MRTFA: variants seen among roughly 807,000 people sequenced by gnomAD.
The protein encoded by MRTFA is myocardin-related transcription factor A.
Under a neutral mutation model 83.5 loss-of-function variants are expected in MRTFA, and 20 were observed. That is an observed-to-expected ratio of 0.24 (90% CI 0.17 to 0.35). The LOEUF is 0.35. Ranked by LOEUF, MRTFA falls within the 10% of genes least tolerant of loss-of-function variation. The pLI is 1.00. For missense variants in MRTFA, 1,200 were observed against 1,224.7 expected (o/e 0.98, Z 0.30); for synonymous variants, 659 against 541.2 (o/e 1.22, Z -3.02).
intron 3 of MRTFA, among the ~76,000 whole-genome samples, chr22:40,515,921 C>T (rs2054750228): frequency 6.6e-6 from 1 of 152,296 alleles, no homozygotes; most frequent in South Asian, 2.1e-4. Context: ...TACACACACA[C>T]ACATAAATAT....
intron 5 of MRTFA, among the ~76,000 whole-genome samples, chr22:40,434,043 T>C (rs1444288750): frequency 6.6e-6 from 1 of 152,184 alleles, no homozygotes; most frequent in Non-Finnish European, 1.5e-5. Context: ...AAAATGAGGA[T>C]AATACCACCT....
At chr22:40,600,784 C>T (rs2056249856) in intron 1 of MRTFA, among the ~76,000 whole-genome samples, 1 of 152,118 alleles carries the variant, frequency 6.6e-6, no homozygotes, top group South Asian at 2.1e-4. Context: ...TCGAGACCAG[C>T]CTGGCCAACG....
rs139662275 is a variant in MRTFA at position 40,509,089 on chromosome 22, C to T, written c.241+43017G>A. 4.5e-4 allele frequency among the ~76,000 whole-genome samples: 68 copies of T among 152,290 alleles called. No individual in the cohort carries two copies. The East Asian group carries it at 0.012, about 27-fold the overall frequency. The stretch of plus-strand genomic sequence containing the variant: ...TTTCGAGGAAGTCACAAAGCTGCCA[C>T]AAATTGTTTAACTATACAATTCTTC... On this transcript the variant is annotated intron_variant, in intron 3 of 14. Coordinates refer to ENST00000355630, the MANE Select transcript of MRTFA (RefSeq NM_020831.6).
chr22:40,604,175 G>A (rs2056291952), intron 1 of MRTFA, among the ~76,000 whole-genome samples: 2 of 149,956 alleles, frequency 1.3e-5, no homozygotes, highest in African/African-American at 4.9e-5. Context: ...CTGTCGCCCA[G>A]GCTGGAGTGC....
chr22:40,564,575 T>C (rs977108728), intron 2 of MRTFA, among the ~76,000 whole-genome samples: 3 of 152,222 alleles, frequency 2.0e-5, no homozygotes, highest in African/African-American at 7.2e-5. Context: ...GCTGAGTATC[T>C]AATTGCATAT....
chr22:40,628,536 A>T (rs2056605726), intron 1 of MRTFA, among the ~76,000 whole-genome samples: 1 of 152,214 alleles, frequency 6.6e-6, no homozygotes, highest in African/African-American at 2.4e-5. Flanking sequence ...AAAATGAACT[A>T]GCCAAATTAC....
chr22:40,416,968 C>T lies in MRTFA; in HGVS notation c.2578+18G>A, dbSNP rs574490753. 1 of 1,586,660 alleles carries T rather than the reference C, an allele frequency of 6.3e-7. No individual in the cohort carries two copies. Among genetic ancestry groups the T allele is most frequent in the African/African-American group, 1.3e-5 (1 of 74,612 alleles). Reference sequence around the variant, plus strand: ...ACAGAGAAGGCCGTCAGGGAGGCAGCAGGGGACCTGGGGTTACCTCCGCTC... The same window carrying T: ...ACAGAGAAGGCCGTCAGGGAGGCAGTAGGGGACCTGGGGTTACCTCCGCTC... On this transcript the variant is annotated intron_variant, in intron 14 of 14. Transcript: ENST00000355630. This position sits in a 1 kb window ranked among gnomAD's most constrained non-coding sequence, Gnocchi z 4.2.
intron 4 of MRTFA, among the ~76,000 whole-genome samples, chr22:40,446,510 C>A (rs1046661058): frequency 6.6e-6 from 1 of 152,092 alleles, no homozygotes; most frequent in African/African-American, 2.4e-5. Context: ...CCACCCAGCA[C>A]AGGAATCTGA....
intron 3 of MRTFA, among the ~76,000 whole-genome samples, chr22:40,513,602 C>CAAAAAAAAAAAAAA (rs111580647): frequency 6.1e-5 from 4 of 65,918 alleles, no homozygotes; most frequent in South Asian, 4.8e-4. Context: ...GACTCCATCT[C>CAAAAAAAAAAAAAA]AAAAAAAAAA....
intron 1 of MRTFA, among the ~76,000 whole-genome samples, chr22:40,614,619 CT>C (rs1299775960): frequency 1.3e-5 from 2 of 152,102 alleles, no homozygotes; most frequent in African/African-American, 4.8e-5. Flanking sequence ...TCCCAAGTAG[CT>C]AGGATTACTG....
At chr22:40,612,633 C>T (rs900273078) in intron 1 of MRTFA, among the ~76,000 whole-genome samples, 1 of 152,070 alleles carries the variant, frequency 6.6e-6, no homozygotes, top group African/African-American at 2.4e-5. Flanking sequence ...CATAAATCAT[C>T]AATCTCAATC....
At chr22:40,472,923 G>A (rs1394390278) in intron 3 of MRTFA, among the ~76,000 whole-genome samples, 2 of 152,134 alleles carry the variant, frequency 1.3e-5, no homozygotes, top group Non-Finnish European at 2.9e-5. Flanking sequence ...GTTTCCAACA[G>A]GAGAGAAATT....
At chr22:40,556,813 G>C (rs918439115) in intron 2 of MRTFA, among the ~76,000 whole-genome samples, 1 of 152,178 alleles carries the variant, frequency 6.6e-6, no homozygotes, top group Non-Finnish European at 1.5e-5. Flanking sequence ...GACTCTGAAA[G>C]AGCATGTCTG....
At chr22:40,538,376 C>T (rs925892554) in intron 3 of MRTFA, among the ~76,000 whole-genome samples, 1 of 148,240 alleles carries the variant, frequency 6.7e-6, no homozygotes, top group East Asian at 2.0e-4. Context: ...GCAGCATGCT[C>T]GTTAAGAGTC....
intron 1 of MRTFA, among the ~76,000 whole-genome samples, chr22:40,600,365 AATACACTCT>A (rs1188742274): frequency 6.6e-6 from 1 of 152,162 alleles, no homozygotes; most frequent in African/African-American, 2.4e-5. Flanking sequence ...TACAAGAAGC[AATACACTCT>A]GCTGCCTTTC....
At chr22:40,576,028 CTTTTTTT>C (rs918851256) in intron 2 of MRTFA, among the ~76,000 whole-genome samples, 6 of 131,410 alleles carry the variant, frequency 4.6e-5, no homozygotes, top group Non-Finnish European at 9.8e-5. Flanking sequence ...ATGTAAATTT[CTTTTTTT>C]TTTTTTTTTT....
rs550731537 is a variant in MRTFA at position 40,512,836 on chromosome 22, C to A, written c.241+39270G>T. Among the ~76,000 whole-genome samples the A allele has an allele frequency of 5.9e-5, 9 of 152,254 alleles. No individual in the cohort carries two copies. The South Asian group carries it at 8.3e-4, about 14-fold the overall frequency. Reference sequence around the variant, plus strand: ...ATCCTGAAAAGCTAAGAAATTCATACCCATAACACCACCACTTCGCAATGT... The same window carrying A: ...ATCCTGAAAAGCTAAGAAATTCATAACCATAACACCACCACTTCGCAATGT... On this transcript the variant is annotated intron_variant, in intron 3 of 14. Coordinates refer to ENST00000355630, the MANE Select transcript of MRTFA (RefSeq NM_020831.6).
intron 4 of MRTFA, among the ~76,000 whole-genome samples, chr22:40,457,593 C>G (rs2053620001): frequency 6.6e-6 from 1 of 151,918 alleles, no homozygotes; most frequent in Non-Finnish European, 1.5e-5. Context: ...GAAATTTTAA[C>G]TCTGCTATGG....
intron 4 of MRTFA, among the ~76,000 whole-genome samples, chr22:40,449,798 C>T (rs1157911291): frequency 1.3e-5 from 2 of 152,190 alleles, no homozygotes; most frequent in Non-Finnish European, 1.5e-5. Context: ...CATTGCAATG[C>T]ATATTTTTCT....
Sources: allele counts gnomAD v4.1 joint callset (sites outside exome capture counted in the v4.1 genomes callset), GRCh38; gene constraint gnomAD v4.1.1; non-coding constraint Gnocchi (gnomAD v3.1); transcripts MANE v1.5; gene names NCBI Gene and HGNC (gene_info 2026-07-23, HGNC 2026-07-21).